Variants in ADAMTSL1 observed in about 807,000 individuals in gnomAD.
ADAMTSL1 encodes the protein ADAMTS-like protein 1.
In ADAMTSL1, 126 loss-of-function variants were observed where a neutral mutation model predicts 201.8. The observed-to-expected ratio is 0.62, with a 90% CI of 0.54 to 0.72. The LOEUF is 0.72. Ranked by LOEUF, ADAMTSL1 falls within the 30% of genes least tolerant of loss-of-function variation. ADAMTSL1 has a pLI of 0.00. For missense variants in ADAMTSL1, 2,679 were observed against 2,277.8 expected (o/e 1.18, Z -3.59); for synonymous variants, 1,121 against 903.4 (o/e 1.24, Z -4.32).
At chr9:18,268,664 T>G (rs1023652266) in intron 2 of ADAMTSL1, among the ~76,000 whole-genome samples, 1 of 152,176 alleles carries the variant, frequency 6.6e-6, no homozygotes, top group Non-Finnish European at 1.5e-5. Context: ...TAGAGTCCTC[T>G]CTAAATCATC....
Position 18,777,331 on chromosome 9 carries a change from G to T in ADAMTSL1, c.3102G>T (p.Trp1034Cys). The T allele has an allele frequency of 6.2e-7, 1 of 1,601,696 alleles. No individual in the cohort carries two copies. Among genetic ancestry groups the T allele is most frequent in the East Asian group, 2.3e-5 (1 of 44,362 alleles). ...CCCGGCTGCTGGAGCAGGGCGGCTG[G>T]CCCGGAGAGCTGCTGGCCTCGTGGG... Reference protein sequence around the residue: ...LVSRLLEQGGWPGELLASWEA... With the variant: ...LVSRLLEQGGCPGELLASWEA... The change falls in exon 19 of 29, where the codon TGG becomes TGT. Residue 1034 changes from tryptophan to cysteine, a missense_variant. Transcript: ENST00000380548.
At chr9:18,732,803 G>C (rs1818291151) in intron 15 of ADAMTSL1, among the ~76,000 whole-genome samples, 1 of 152,172 alleles carries the variant, frequency 6.6e-6, no homozygotes, top group Non-Finnish European at 1.5e-5. Flanking sequence ...CCATATCCTT[G>C]CTGACCTTCA....
intron 2 of ADAMTSL1, among the ~76,000 whole-genome samples, chr9:18,183,913 T>G (rs548646900): frequency 1.3e-5 from 2 of 152,316 alleles, no homozygotes; most frequent in East Asian, 3.9e-4. Flanking sequence ...AAGCGCAAAC[T>G]AATTAAATAC....
chr9:18,214,390 T>G (rs2132329989), intron 2 of ADAMTSL1, among the ~76,000 whole-genome samples: 1 of 152,336 alleles, frequency 6.6e-6, no homozygotes, highest in Non-Finnish European at 1.5e-5. Context: ...AGCAATGATA[T>G]TCTTTGGAAC....
At chr9:18,699,639 T>C (rs1449524455) in intron 13 of ADAMTSL1, among the ~76,000 whole-genome samples, 1 of 152,206 alleles carries the variant, frequency 6.6e-6, no homozygotes, top group African/African-American at 2.4e-5. Context: ...CACTTTAATA[T>C]GTTTTTTAAA....
intron 2 of ADAMTSL1, among the ~76,000 whole-genome samples, chr9:18,316,846 G>A (rs1450532717): frequency 6.6e-6 from 1 of 152,166 alleles, no homozygotes; most frequent in Non-Finnish European, 1.5e-5. Flanking sequence ...CTTCTGCCAT[G>A]GCTTCAGCCA....
intron 5 of ADAMTSL1, among the ~76,000 whole-genome samples, chr9:18,630,188 C>T (rs1587743580): frequency 6.6e-6 from 1 of 152,044 alleles, no homozygotes. Context: ...CATGTTTGGT[C>T]TAGAGCTAAT....
intron 2 of ADAMTSL1, among the ~76,000 whole-genome samples, chr9:18,400,888 A>G (rs146852496): frequency 1.5e-4 from 23 of 152,318 alleles, no homozygotes; most frequent in South Asian, 6.2e-4. Context: ...AGCTCAGGAC[A>G]GCTGGCAATA....
intron 1 of ADAMTSL1, among the ~76,000 whole-genome samples, chr9:17,966,211 C>A (rs1397582084): frequency 6.6e-6 from 1 of 152,122 alleles, no homozygotes. Context: ...TTTAAGGAAA[C>A]AAGCCCATAG....
chr9:18,097,192 T>C (rs1277315558), intron 1 of ADAMTSL1, among the ~76,000 whole-genome samples: 1 of 152,232 alleles, frequency 6.6e-6, no homozygotes, highest in Non-Finnish European at 1.5e-5. Flanking sequence ...GTGGTGTGTA[T>C]TCATTTGGTT....
At chr9:18,371,157 T>C (rs1157025109) in intron 2 of ADAMTSL1, among the ~76,000 whole-genome samples, 1 of 152,232 alleles carries the variant, frequency 6.6e-6, no homozygotes, top group Non-Finnish European at 1.5e-5. Context: ...GTAATACTTA[T>C]ACAATTTTTA....
chr9:18,759,667 G>T (rs1384501145), intron 16 of ADAMTSL1, among the ~76,000 whole-genome samples: 3 of 152,188 alleles, frequency 2.0e-5, no homozygotes, highest in East Asian at 1.9e-4. Flanking sequence ...AGCTTCACAT[G>T]TGGTTGTTTT....
At chr9:18,287,907 A>G (rs1833082837) in intron 2 of ADAMTSL1, among the ~76,000 whole-genome samples, 2 of 152,208 alleles carry the variant, frequency 1.3e-5, no homozygotes, top group Admixed American at 1.3e-4. Context: ...TCCCTGAAGT[A>G]TATGTAATTA....
At chr9:18,520,790 T>G (rs7027141) in intron 2 of ADAMTSL1, among the ~76,000 whole-genome samples, 2 of 151,942 alleles carry the variant, frequency 1.3e-5, no homozygotes, top group Non-Finnish European at 2.9e-5. Flanking sequence ...TCATCATAAT[T>G]GTTTGGCTTG....
At chr9:18,369,126 A>G (rs1225097306) in intron 2 of ADAMTSL1, among the ~76,000 whole-genome samples, 1 of 152,220 alleles carries the variant, frequency 6.6e-6, no homozygotes, top group Non-Finnish European at 1.5e-5. Flanking sequence ...AAGTTGGCTA[A>G]TGTAATCCTT....
In ADAMTSL1 at chr9:18,364,039, A is replaced by G. The variant is rs550069407; in HGVS notation, c.208-140790A>G. ...TTTTTTAATGCAAGTCTAAGCTGGA[A>G]ATTAAAAGAAATTCCTAGAGGCAAA... On this transcript the variant is annotated intron_variant, in intron 2 of 29. Coordinates refer to the ADAMTSL1 transcript ENST00000680146. Among the ~76,000 whole-genome samples the G allele has an allele frequency of 9.2e-4, 140 of 152,354 alleles. 1 individual carries two copies. The highest frequency in any genetic ancestry group is 2.8e-3 in the African/African-American group (117 of 41,584).
intron 20 of ADAMTSL1, among the ~76,000 whole-genome samples, chr9:18,800,986 A>T (rs1362727076): frequency 5.3e-5 from 8 of 152,148 alleles, no homozygotes; most frequent in Middle Eastern, 6.8e-3. Flanking sequence ...TGGCAAAAAA[A>T]TATCTGAATA....
At chr9:17,957,950 T>C (rs528628419) in intron 1 of ADAMTSL1, among the ~76,000 whole-genome samples, 2 of 152,320 alleles carry the variant, frequency 1.3e-5, no homozygotes, top group Non-Finnish European at 1.5e-5. Context: ...CCTCCATGAC[T>C]GGGAGAGAAT....
chr9:17,948,255 A>C (rs1048492751), intron 1 of ADAMTSL1, among the ~76,000 whole-genome samples: 1 of 152,014 alleles, frequency 6.6e-6, no homozygotes, highest in African/African-American at 2.4e-5. Flanking sequence ...AGAGTGTTCC[A>C]ACTCCTCTCT....
Sources: allele counts gnomAD v4.1 joint callset (sites outside exome capture counted in the v4.1 genomes callset), GRCh38; gene constraint gnomAD v4.1.1; transcripts MANE v1.5; gene names NCBI Gene and HGNC (gene_info 2026-07-23, HGNC 2026-07-21).